SETBP1: variants seen among roughly 807,000 people sequenced by gnomAD.
SETBP1 encodes SET-binding protein.
In SETBP1, 9 loss-of-function variants were observed where a neutral mutation model predicts 101.0. That is an observed-to-expected ratio of 0.09 (90% CI 0.05 to 0.16). The LOEUF is 0.16. Ranked by LOEUF, SETBP1 falls within the 10% of genes least tolerant of loss-of-function variation. The pLI is 1.00. For synonymous variants in SETBP1, 818 were observed against 788.5 expected (o/e 1.04, Z -0.63); for missense variants, 1,858 against 2,033.8 (o/e 0.91, Z 1.66).
chr18:44,792,836 T>C (rs566868301), intron 2 of SETBP1, among the ~76,000 whole-genome samples: 8 of 152,308 alleles, frequency 5.3e-5, no homozygotes, highest in Non-Finnish European at 1.2e-4. Context: ...TAGGGCTCTA[T>C]TCCTGGTATA....
At chr18:44,980,283 T>C (rs2072083213) in intron 4 of SETBP1, among the ~76,000 whole-genome samples, 1 of 152,216 alleles carries the variant, frequency 6.6e-6, no homozygotes, top group African/African-American at 2.4e-5. Context: ...CACAGTAAAC[T>C]GTTTTTAGGG....
chr18:45,033,774 G>A (rs925967889), intron 4 of SETBP1, among the ~76,000 whole-genome samples: 9 of 152,236 alleles, frequency 5.9e-5, no homozygotes, highest in South Asian at 2.1e-4. Context: ...TGACTCCATC[G>A]CCTCTTTTAT....
chr18:44,975,052 A>G (rs1481651425), intron 4 of SETBP1, among the ~76,000 whole-genome samples: 1 of 152,226 alleles, frequency 6.6e-6, no homozygotes, highest in Non-Finnish European at 1.5e-5. Flanking sequence ...CCTCTTATCA[A>G]TGCCACACAA....
intron 3 of SETBP1, among the ~76,000 whole-genome samples, chr18:44,882,642 C>T (rs892185410): frequency 9.2e-5 from 14 of 152,114 alleles, no homozygotes; most frequent in African/African-American, 3.4e-4. Flanking sequence ...TCAAGCCCTC[C>T]TTCCCCCAGC....
intron 5 of SETBP1, among the ~76,000 whole-genome samples, chr18:45,052,060 C>T (rs2073731112): frequency 6.6e-6 from 1 of 152,246 alleles, no homozygotes; most frequent in Admixed American, 6.5e-5. Context: ...CTGTGCTGCT[C>T]ACTAGGGGGA....
At chr18:44,699,679 C>A (rs567543267) in intron 1 of SETBP1, among the ~76,000 whole-genome samples, 26 of 152,288 alleles carry the variant, frequency 1.7e-4, no homozygotes, top group African/African-American at 5.5e-4. Flanking sequence ...GTTGAATCTT[C>A]CCCGAAGTGG....
intron 3 of SETBP1, among the ~76,000 whole-genome samples, chr18:44,896,249 T>C (rs2144807840): frequency 6.6e-6 from 1 of 152,324 alleles, no homozygotes; most frequent in South Asian, 2.1e-4. Context: ...TAACTTCCCA[T>C]ATCATAAAGG....
At chr18:45,015,169 G>T (rs67616315) in intron 4 of SETBP1, among the ~76,000 whole-genome samples, 2 of 152,304 alleles carry the variant, frequency 1.3e-5, no homozygotes, top group South Asian at 4.1e-4. Flanking sequence ...GAGCAGAAGA[G>T]GGGGAGCCTC....
intron 1 of SETBP1, among the ~76,000 whole-genome samples, chr18:44,698,598 C>T (rs2069060041): frequency 6.6e-6 from 1 of 152,164 alleles, no homozygotes; most frequent in African/African-American, 2.4e-5. Flanking sequence ...CCTAGGAAAC[C>T]CCCATCAAGA....
At chr18:44,815,397 C>T (rs908010845) in intron 2 of SETBP1, among the ~76,000 whole-genome samples, 3 of 152,214 alleles carry the variant, frequency 2.0e-5, no homozygotes, top group South Asian at 2.1e-4. Context: ...CGGGGCAGCC[C>T]GTATCTACTT....
intron 4 of SETBP1, among the ~76,000 whole-genome samples, chr18:44,993,386 A>G (rs1476446494): frequency 6.6e-6 from 1 of 152,058 alleles, no homozygotes; most frequent in Admixed American, 6.5e-5. Flanking sequence ...TTCTTATGAT[A>G]TGACTACAAT....
chr18:45,012,507 T>C (rs1459291566), intron 4 of SETBP1, among the ~76,000 whole-genome samples: 1 of 152,116 alleles, frequency 6.6e-6, no homozygotes, highest in Non-Finnish European at 1.5e-5. Flanking sequence ...GATTGGTTCT[T>C]TTGCATGTGA....
At chr18:44,866,434 C>T (rs1346005615) in intron 2 of SETBP1, among the ~76,000 whole-genome samples, 1 of 152,194 alleles carries the variant, frequency 6.6e-6, no homozygotes, top group Non-Finnish European at 1.5e-5. Flanking sequence ...AGTCATTTGA[C>T]AAACAGGTTA....
intron 2 of SETBP1, among the ~76,000 whole-genome samples, chr18:44,774,597 A>G (rs1191142701): frequency 6.6e-6 from 1 of 152,184 alleles, no homozygotes; most frequent in African/African-American, 2.4e-5. Context: ...GTGACCTGGC[A>G]GTAGATGATT....
chr18:44,794,897 G>GAAACATTCATGGATGCA (rs1340474205), intron 2 of SETBP1, among the ~76,000 whole-genome samples: 1 of 152,124 alleles, frequency 6.6e-6, no homozygotes, highest in Non-Finnish European at 1.5e-5. Flanking sequence ...TATCAAGCAG[G>GAAACATTCATGGATGCA]AAACATTCAT....
chr18:44,796,639 G>A (rs2071482566), intron 2 of SETBP1, among the ~76,000 whole-genome samples: 1 of 152,158 alleles, frequency 6.6e-6, no homozygotes, highest in Admixed American at 6.5e-5. Flanking sequence ...GAAGTGACAG[G>A]CAATACAGCA....
At chr18:44,934,893 C>G (rs750030830) in intron 3 of SETBP1, among the ~76,000 whole-genome samples, 6 of 152,188 alleles carry the variant, frequency 3.9e-5, no homozygotes, top group Non-Finnish European at 5.9e-5. Context: ...GTGACACATG[C>G]CACACTATCT....
chr18:44,846,900 C>T (rs2072735740), intron 2 of SETBP1, among the ~76,000 whole-genome samples: 1 of 152,200 alleles, frequency 6.6e-6, no homozygotes, highest in Non-Finnish European at 1.5e-5. Flanking sequence ...TACCATCTCC[C>T]AAACTTGTCT....
intron 3 of SETBP1, among the ~76,000 whole-genome samples, chr18:44,890,139 C>A (rs1044786036): frequency 6.6e-6 from 1 of 152,012 alleles, no homozygotes; most frequent in African/African-American, 2.4e-5. Flanking sequence ...TTGCAAGTTT[C>A]AAGGATACCA....
Sources: allele counts gnomAD v4.1 joint callset (sites outside exome capture counted in the v4.1 genomes callset), GRCh38; gene constraint gnomAD v4.1.1; transcripts MANE v1.5; gene names NCBI Gene and HGNC (gene_info 2026-07-23, HGNC 2026-07-21).